CCAR1: variants seen among roughly 807,000 people sequenced by gnomAD.
CCAR1 encodes the protein cell division cycle and apoptosis regulator 1.
CCAR1 carries 78 observed loss-of-function variants against 163.8 expected under a neutral mutation model. The observed-to-expected ratio is 0.48, with a 90% CI of 0.40 to 0.57. The LOEUF (loss-of-function observed/expected upper bound fraction) is 0.57, where lower values mean the gene tolerates loss of function less well. CCAR1 is among the 20% of genes least tolerant of loss of function. The pLI, the probability that CCAR1 is intolerant of heterozygous loss-of-function variation, is 0.00. For synonymous variants in CCAR1, 443 were observed against 460.7 expected (o/e 0.96, Z 0.49); for missense variants, 1,019 against 1,365.2 (o/e 0.75, Z 4.00).
At chr10:68,742,768 A>G (rs1004591206) in intron 6 of CCAR1, among the ~76,000 whole-genome samples, 199 bp downstream of exon 6, 1 of 151,706 alleles carries the variant, frequency 6.6e-6, no homozygotes, top group African/African-American at 2.4e-5. Flanking sequence ...GGCGTGCACC[A>G]CCACACTCGG....
chr10:68,760,380 G>T (rs1219780345), intron 15 of CCAR1, among the ~76,000 whole-genome samples: 2 of 151,924 alleles, frequency 1.3e-5, no homozygotes, highest in South Asian at 4.2e-4. Context: ...TAGTTTTGTG[G>T]GGTTTTTTCC....
At chr10:68,744,996 AAATTAATT>A (rs71028774) in intron 6 of CCAR1, among the ~76,000 whole-genome samples, 24 of 151,304 alleles carry the variant, frequency 1.6e-4, no homozygotes, top group African/African-American at 4.8e-4. Context: ...CTATTTAATT[AAATTAATT>A]AATTAATTAA....
chr10:68,757,783 T>C (rs961762710), intron 15 of CCAR1, among the ~76,000 whole-genome samples: 4 of 151,912 alleles, frequency 2.6e-5, no homozygotes, highest in Non-Finnish European at 4.4e-5. Flanking sequence ...ATCTGTTGAA[T>C]GCCTATAATA....
At chr10:68,787,902 TTTTG>T in intron 21 of CCAR1, 21 bp from the exon 22 acceptor site, 1 of 1,572,392 alleles carries the variant, frequency 6.4e-7, no homozygotes, top group Non-Finnish European at 8.6e-7. Flanking sequence ...CATCTCTGTA[TTTTG>T]TTTACTTGCA....
At position 68,756,463 on chromosome 10, in the gene CCAR1, A is replaced by G; in HGVS notation, c.1816A>G (p.Lys606Glu). 6.2e-7 allele frequency: 1 copy of G among 1,611,562 alleles called. No individual in the cohort carries two copies. Among genetic ancestry groups the G allele is most frequent in the Non-Finnish European group, 8.5e-7 (1 of 1,178,720 alleles). ...GGTCGAGAAGCTTCAGGGTGAACGC[A>G]AGGAGGCTGATGGAGAACAGGCACT... ...QLVEKLQGER[K>E]EADGEQDEEE... The change falls in exon 14 of 25, where the codon AAG becomes GAG. Residue 606 changes from lysine to glutamate, a missense_variant. This residue lies in a region of CCAR1 where 644 missense variants were observed against 904.4 expected (regional missense o/e 0.71). Coordinates refer to ENST00000265872, the MANE Select transcript of CCAR1 (RefSeq NM_018237.4). The surrounding 1 kb of genome is among the most constrained non-coding windows in gnomAD (Gnocchi z 5.1).
intron 12 of CCAR1, 99 bp from the exon 13 acceptor site, chr10:68,755,271 A>G: frequency 9.3e-7 from 1 of 1,078,746 alleles, no homozygotes; most frequent in Non-Finnish European, 1.4e-6. Context: ...AGGTAGTAAA[A>G]ATGATATTGG....
chr10:68,768,698 A>G (rs2056564591), intron 17 of CCAR1, among the ~76,000 whole-genome samples: 1 of 152,000 alleles, frequency 6.6e-6, no homozygotes, highest in East Asian at 1.9e-4. Flanking sequence ...AAATAAATAC[A>G]TAGGCTGGGC....
At chr10:68,787,725 C>G (rs2056811321) in intron 21 of CCAR1, 1 of 433,946 alleles carries the variant, frequency 2.3e-6, no homozygotes, top group Non-Finnish European at 4.1e-6. Context: ...ATACCAGCTA[C>G]TCTGGAGGCT....
chr10:68,784,571 C>T (rs1222829341), intron 19 of CCAR1, among the ~76,000 whole-genome samples: 1 of 152,118 alleles, frequency 6.6e-6, no homozygotes, highest in East Asian at 1.9e-4. Context: ...AACAGCATCA[C>T]ATAGGGTCTC....
At chr10:68,736,113 A>G (rs2056106529) in intron 2 of CCAR1, among the ~76,000 whole-genome samples, 1 of 152,116 alleles carries the variant, frequency 6.6e-6, no homozygotes, top group Admixed American at 6.6e-5. Context: ...TCGGTTTCCC[A>G]GAGTTCTGGG....
intron 23 of CCAR1, among the ~76,000 whole-genome samples, 158 bp downstream of exon 23, chr10:68,788,486 T>TATTATTTA (rs951372470): frequency 6.6e-6 from 1 of 152,150 alleles, no homozygotes; most frequent in Non-Finnish European, 1.5e-5. Flanking sequence ...TAAAATTTTT[T>TATTATTTA]ATTATTTATT....
rs1386229375 is a variant in CCAR1 at position 68,722,464 on chromosome 10, A to G, written c.-41A>G. On this transcript the variant is annotated 5_prime_UTR_variant, in exon 2 of 25. Coordinates refer to ENST00000265872, the MANE Select transcript of CCAR1 (RefSeq NM_018237.4). ...ATCCTTTTCTTGATAGATCGATGCT[A>G]TAGAAGACAAACAAGGGAAGGTTTT... 2.0e-6 allele frequency: 3 copies of G among 1,502,598 alleles called. No individual in the cohort carries two copies. The highest frequency in any genetic ancestry group is 2.8e-6 in the Non-Finnish European group (3 of 1,078,360). The allele number at this position is 1,502,598 out of a possible 1,614,324, so 93.1% of individuals were successfully genotyped here.
chr10:68,781,522 A>G (rs1006859731), intron 19 of CCAR1, among the ~76,000 whole-genome samples: 8 of 152,150 alleles, frequency 5.3e-5, no homozygotes, highest in Non-Finnish European at 1.2e-4. Context: ...CCTGGGCAAC[A>G]GAGCAAGACT....
rs376410377 is a variant in CCAR1 at position 68,741,080 on chromosome 10, A to G, written c.324+419A>G. On this transcript the variant is annotated intron_variant, in intron 5 of 24. Transcript: ENST00000265872. ...AGGCGCCTGCCACCACGCCTGGCTG[A>G]TTTTTGTATTTTTAGTAGAGATAGG... 1.1e-4 allele frequency among the ~76,000 whole-genome samples: 16 copies of G among 151,402 alleles called. No homozygotes were observed. The East Asian group carries it at 2.5e-3, about 24-fold the overall frequency.
At chr10:68,755,257 C>A (rs1452175871) in intron 12 of CCAR1, 113 bp from the exon 13 acceptor site, 11 of 936,120 alleles carry the variant, frequency 1.2e-5, no homozygotes, top group Non-Finnish European at 1.8e-5. Context: ...CTGACAGATA[C>A]CAGAGGTAGT....
intron 19 of CCAR1, chr10:68,774,896 T>C (rs1422844864): frequency 1.3e-5 from 5 of 377,414 alleles, no homozygotes; most frequent in African/African-American, 2.2e-5. Context: ...TTTTAAAAAA[T>C]TATATTTTTC....
intron 18 of CCAR1, 22 bp from the exon 19 acceptor site, chr10:68,772,966 A>G (rs780099626): frequency 2.5e-6 from 3 of 1,205,908 alleles, no homozygotes; most frequent in Non-Finnish European, 3.5e-6. Context: ...TAAATAAATA[A>G]TAAAGGCATT....
intron 6 of CCAR1, among the ~76,000 whole-genome samples, chr10:68,746,429 C>T (rs1029526341): frequency 7.9e-5 from 12 of 151,952 alleles, no homozygotes; most frequent in Non-Finnish European, 1.3e-4. Context: ...GGGGTTTCAC[C>T]GCATTGGTCA....
intron 2 of CCAR1, among the ~76,000 whole-genome samples, chr10:68,734,860 A>G (rs1241822182): frequency 2.0e-5 from 3 of 152,176 alleles, no homozygotes; most frequent in Non-Finnish European, 4.4e-5. Context: ...AATTGGGTAA[A>G]AGGATCAAGT....
Sources: allele counts gnomAD v4.1 joint callset (sites outside exome capture counted in the v4.1 genomes callset), GRCh38; gene constraint gnomAD v4.1.1; regional missense constraint gnomAD v4.1.1; non-coding constraint Gnocchi (gnomAD v3.1); transcripts MANE v1.5; gene names NCBI Gene and HGNC (gene_info 2026-07-23, HGNC 2026-07-21).